The following ARHGAP39 variants were observed in gnomAD, a reference collection of about 807,000 sequenced individuals.
The protein encoded by ARHGAP39 is Rho GTPase activating protein 39.
In ARHGAP39, 44 loss-of-function variants were observed where a neutral mutation model predicts 106.9. That is an observed-to-expected ratio of 0.41 (90% confidence interval 0.32 to 0.53). The LOEUF (loss-of-function observed/expected upper bound fraction) is 0.53. Ranked by LOEUF, ARHGAP39 falls within the 20% of genes least tolerant of loss-of-function variation. ARHGAP39 has a pLI of 0.21. For missense variants in ARHGAP39, 1,496 were observed against 1,577.3 expected, an observed-to-expected ratio of 0.95 and a Z score of 0.87; for synonymous variants, 768 against 693.2, an observed-to-expected ratio of 1.11 and a Z score of -1.69.
intron 7 of ARHGAP39, 41 bp from the exon 8 acceptor site, chr8:144,534,243 T>G (rs960970002): frequency 3.1e-6 from 5 of 1,608,750 alleles, no homozygotes; most frequent in Non-Finnish European, 3.4e-6. Flanking sequence ...TGTGGGTGTG[T>G]GGGTGTGGGG....
At chr8:144,693,460 G>A in the ARHGAP39 span, among the ~76,000 whole-genome samples, 4 of 151,898 alleles carry the variant, frequency 2.6e-5, no homozygotes, top group East Asian at 3.9e-4. Context: ...TGCAAGCTCC[G>A]CCTCCCGGGT....
At chr8:144,612,907 A>C (rs982634964) in intron 1 of ARHGAP39, among the ~76,000 whole-genome samples, 4 of 152,266 alleles carry the variant, frequency 2.6e-5, no homozygotes, top group Middle Eastern at 3.2e-3. Flanking sequence ...TTTTTATGCA[A>C]TCTGACCATC....
rs549968441 is a variant in ARHGAP39, at chr8:144,660,316, C to T, written c.-82+25370G>A. ...GTTAAATAATATAAGATTATTCATGCTTTCAGCCTTTCCTCCCCTAACCCC... is the reference window on the plus strand; with the variant it reads ...GTTAAATAATATAAGATTATTCATGTTTTCAGCCTTTCCTCCCCTAACCCC... On this transcript the variant is annotated intron_variant, in intron 1 of 11. Coordinates refer to ENST00000377307, the MANE Select transcript of ARHGAP39 (RefSeq NM_025251.3). 2.6e-5 allele frequency among the ~76,000 whole-genome samples: 4 copies of T among 152,288 alleles called. No homozygotes were observed. In the South Asian group the frequency reaches 8.3e-4, roughly 32 times the overall value.
chr8:144,554,434 C>T (rs1029861428), intron 4 of ARHGAP39, among the ~76,000 whole-genome samples: 4 of 152,114 alleles, frequency 2.6e-5, no homozygotes, highest in South Asian at 2.1e-4. Context: ...GCCAGTGAGT[C>T]GGGCCCTTGA....
intron 1 of ARHGAP39, among the ~76,000 whole-genome samples, chr8:144,652,924 T>TA (rs796966281): frequency 4.0e-5 from 6 of 148,156 alleles, no homozygotes; most frequent in South Asian, 4.3e-4. Context: ...AAATAAAAGT[T>TA]AAAAAAAAAA....
At chr8:144,687,084 A>AC (rs146435562), upstream of ARHGAP39, among the ~76,000 whole-genome samples, 526 of 45,128 alleles carry the variant, frequency 0.012, 11 homozygotes, top group Non-Finnish European at 0.016. Flanking sequence ...AGCACTTCCC[A>AC]CCCCGTGACC....
At chr8:144,619,867 C>A in intron 1 of ARHGAP39, among the ~76,000 whole-genome samples, 1 of 124,560 alleles carries the variant, frequency 8.0e-6, no homozygotes, top group South Asian at 2.9e-4. Context: ...TCCGAGAGAG[C>A]GTGAGCCCGT....
intron 6 of ARHGAP39, among the ~76,000 whole-genome samples, chr8:144,541,394 T>C (rs890703412): frequency 6.6e-6 from 1 of 152,240 alleles, no homozygotes; most frequent in South Asian, 2.1e-4. Flanking sequence ...AAAATACACA[T>C]AAAATTTACC....
Position 144,605,657 on chromosome 8 carries a change from C to G in ARHGAP39, c.-43G>C. The G allele has an allele frequency of 6.3e-7, 1 of 1,595,924 alleles. No homozygotes were observed. ...CCCACGTGGACAGACGTCAGGGCAC[C>G]ATACGCACAACGCCAGCATCAGACG... On this transcript the variant is annotated 5_prime_UTR_variant, in exon 2 of 12. An upstream start codon of the reference 5' UTR is lost. Transcript: ENST00000377307.
intron 1 of ARHGAP39, among the ~76,000 whole-genome samples, chr8:144,613,203 T>A (rs1363929619): frequency 6.6e-6 from 1 of 152,264 alleles, no homozygotes; most frequent in Non-Finnish European, 1.5e-5. Context: ...TCTGTATATG[T>A]TATAAATTCC....
intron 2 of ARHGAP39, among the ~76,000 whole-genome samples, chr8:144,598,152 C>CCT (rs1819695380): frequency 1.3e-5 from 2 of 152,350 alleles, no homozygotes; most frequent in African/African-American, 4.8e-5. Context: ...AGGCTGGACA[C>CCT]CTGCGGGGCC....
chr8:144,580,480 GA>G (rs1373566530), intron 3 of ARHGAP39, among the ~76,000 whole-genome samples: 1 of 152,192 alleles, frequency 6.6e-6, no homozygotes, highest in Non-Finnish European at 1.5e-5. Flanking sequence ...AGAGAGACAA[GA>G]AAGTGCTCAC....
At chr8:144,597,875 T>G (rs1819681408) in intron 2 of ARHGAP39, among the ~76,000 whole-genome samples, 1 of 151,902 alleles carries the variant, frequency 6.6e-6, no homozygotes, top group African/African-American at 2.4e-5. Context: ...CCAGGCTCAG[T>G]CAACATGCAA....
intron 7 of ARHGAP39, 79 bp from the exon 8 acceptor site, chr8:144,534,281 CCTT>C: frequency 6.6e-7 from 1 of 1,520,738 alleles, no homozygotes; most frequent in South Asian, 1.1e-5. Flanking sequence ...AGACACAGCT[CCTT>C]CGAGGGCCCT....
intron 1 of ARHGAP39, among the ~76,000 whole-genome samples, chr8:144,651,440 C>T (rs571005913): frequency 5.9e-5 from 9 of 152,256 alleles, no homozygotes; most frequent in Middle Eastern, 3.4e-3. Context: ...CAGTGGCTCA[C>T]GCCTGTAATC....
the ARHGAP39 span, among the ~76,000 whole-genome samples, chr8:144,698,090 G>C: frequency 6.6e-6 from 1 of 152,166 alleles, no homozygotes; most frequent in Non-Finnish European, 1.5e-5. Context: ...TACTTGGTAG[G>C]AGGTGTTTGG....
At chr8:144,562,842 T>A (rs1400195575) in intron 3 of ARHGAP39, among the ~76,000 whole-genome samples, 2 of 152,012 alleles carry the variant, frequency 1.3e-5, no homozygotes, top group African/African-American at 4.8e-5. Context: ...GTGGTTTCCA[T>A]CGGACTCACT....
At chr8:144,680,324 G>A (rs572568151) in intron 1 of ARHGAP39, among the ~76,000 whole-genome samples, 4 of 152,196 alleles carry the variant, frequency 2.6e-5, no homozygotes, top group African/African-American at 4.8e-5. Flanking sequence ...TAGGCTTTGC[G>A]GGCCGCACAG....
chr8:144,569,810 C>G (rs73716227), intron 3 of ARHGAP39, among the ~76,000 whole-genome samples: 1,670 of 152,306 alleles, frequency 0.011, 32 homozygotes, highest in African/African-American at 0.038. Flanking sequence ...AAAGTTGACA[C>G]ACTTGAAGAG....
Sources: gnomAD v4.1 joint callset for allele counts (sites outside exome capture counted in the v4.1 genomes callset) on GRCh38, gnomAD v4.1.1 for gene constraint, MANE v1.5 for transcripts, NCBI Gene and HGNC (gene_info 2026-07-23, HGNC 2026-07-21) for gene names.